FSTL5: variants seen among roughly 807,000 people sequenced by gnomAD.
FSTL5 encodes follistatin-related protein 5.
A neutral mutation model predicts 89.1 loss-of-function variants in FSTL5; 62 were observed. The observed-to-expected ratio is 0.70, with a 90% CI of 0.57 to 0.86. The LOEUF (loss-of-function observed/expected upper bound fraction) is 0.86. Ranked by LOEUF, FSTL5 falls within the 40% of genes least tolerant of loss-of-function variation. The probability of loss-of-function intolerance (pLI) is 0.00; values close to 1 mark genes in which losing one functional copy is unlikely to be tolerated. For synonymous variants in FSTL5, 383 were observed against 346.2 expected, an observed-to-expected ratio of 1.11 and a Z score of -1.18; for missense variants, 1,057 against 1,001.6, an observed-to-expected ratio of 1.06 and a Z score of -0.75.
rs72987251 is a variant in FSTL5 at position 161,393,277 on chromosome 4, A to G, written c.1842-6828T>C. Reference sequence around the variant, plus strand: ...ATAGTAACTGAAAAAAAAATTTATGAAGAAACAGGTTTTGCATGAGTTGGA... The same window carrying G: ...ATAGTAACTGAAAAAAAAATTTATGGAGAAACAGGTTTTGCATGAGTTGGA... On this transcript the variant is annotated intron_variant, in intron 15 of 15. Transcript: ENST00000306100. Among the ~76,000 whole-genome samples the G allele has an allele frequency of 5.8e-3, 886 of 152,144 alleles. 4 individuals carry two copies. Among genetic ancestry groups the G allele is most frequent in the African/African-American group, 0.02 (813 of 41,518 alleles).
chr4:161,431,695 C>T (rs1434087988), intron 15 of FSTL5, among the ~76,000 whole-genome samples: 2 of 151,940 alleles, frequency 1.3e-5, no homozygotes, highest in Admixed American at 1.3e-4. Context: ...GAAAACAAGA[C>T]TCAACAATCT....
chr4:161,968,965 A>ACAC (rs1735403996), intron 3 of FSTL5, among the ~76,000 whole-genome samples: 1 of 76,890 alleles, frequency 1.3e-5, no homozygotes, highest in Admixed American at 1.8e-4. Flanking sequence ...ACACACTCAC[A>ACAC]TAAGCACACA....
At chr4:161,990,795 C>T (rs1312964643) in intron 3 of FSTL5, among the ~76,000 whole-genome samples, 1 of 152,086 alleles carries the variant, frequency 6.6e-6, no homozygotes, top group Non-Finnish European at 1.5e-5. Context: ...ATTGAAACAG[C>T]TCACTCCTGA....
chr4:162,093,360 G>A (rs150146729), intron 2 of FSTL5, among the ~76,000 whole-genome samples: 243 of 152,242 alleles, frequency 1.6e-3, no homozygotes, highest in African/African-American at 5.6e-3. Context: ...TCAAATGTTT[G>A]TTGGGAAATC....
rs117952431 is a variant in FSTL5, at chr4:161,875,761, A to C, written c.409+44643T>G. 1.9e-3 allele frequency among the ~76,000 whole-genome samples: 284 copies of C among 152,152 alleles called. 10 individuals carry two copies. In the East Asian group the frequency reaches 0.046, roughly 24 times the overall value. The stretch of plus-strand genomic sequence containing the variant: ...CCTTTTTACATGACCTTTTCCCCTA[A>C]CTTGATTGGCTCAATGTCACCAGGC... On this transcript the variant is annotated intron_variant, in intron 4 of 15. Transcript: ENST00000306100.
rs182379835 is a variant in FSTL5, at chr4:161,893,305, G to T, written c.409+27099C>A. Among the ~76,000 whole-genome samples the T allele has an allele frequency of 1.7e-3, 263 of 152,226 alleles. 1 individual carries two copies. Among genetic ancestry groups the T allele is most frequent in the African/African-American group, 5.9e-3 (246 of 41,574 alleles). ...AAATAACAAAGAAATGATCCATTTA[G>T]CAGTTGTTTTAAATTTAAGACAGAT... On this transcript the variant is annotated intron_variant, in intron 4 of 15. Coordinates refer to ENST00000306100, the MANE Select transcript of FSTL5 (RefSeq NM_020116.5).
chr4:161,810,003 C>A (rs1348942806), intron 4 of FSTL5, among the ~76,000 whole-genome samples: 2 of 152,104 alleles, frequency 1.3e-5, no homozygotes, highest in Admixed American at 6.5e-5. Flanking sequence ...TGGTTTGAAT[C>A]AAAATTTCAT....
chr4:161,664,604 C>T (rs1736822365), intron 6 of FSTL5, among the ~76,000 whole-genome samples: 1 of 152,156 alleles, frequency 6.6e-6, no homozygotes, highest in African/African-American at 2.4e-5. Context: ...TAGGAGGTTC[C>T]AAACTTTCTC....
At chr4:161,767,159 T>C (rs1481826896) in intron 5 of FSTL5, among the ~76,000 whole-genome samples, 1 of 152,200 alleles carries the variant, frequency 6.6e-6, no homozygotes, top group East Asian at 1.9e-4. Context: ...TTTCTTGCAG[T>C]GACTTTTTTT....
chr4:161,386,713 G>C, intron 15 of FSTL5: 1 of 382,100 alleles, frequency 2.6e-6, no homozygotes, highest in Non-Finnish European at 4.7e-6. Flanking sequence ...GTTAATTGCA[G>C]CAACAAATTT....
intron 7 of FSTL5, among the ~76,000 whole-genome samples, chr4:161,602,314 T>C (rs1245222161): frequency 6.7e-6 from 1 of 148,930 alleles, no homozygotes; most frequent in Non-Finnish European, 1.5e-5. Context: ...TTAATGCCCT[T>C]GGAAGACTTA....
Position 161,775,960 on chromosome 4 carries a change from C to A in FSTL5, c.524G>T (p.Arg175Leu). ...NENPNGDDIS[R>L]KKLLVDQMFK... ...CATTTGATCCACCAATAGCTTCTTCCGAGATATGTCGTCGCCATTAGGATT... is the reference window on the plus strand; with the variant it reads ...CATTTGATCCACCAATAGCTTCTTCAGAGATATGTCGTCGCCATTAGGATT... Residue 175 changes from arginine (R) to leucine (L), a missense_variant, in exon 5 of 16, where the codon CGG becomes CTG. Physicochemically the swap from Arg to Leu is moderately radical, Grantham distance 102. Transcript: ENST00000306100. 6.2e-7 allele frequency: 1 copy of A among 1,607,002 alleles called. No individual in the cohort carries two copies. The highest frequency in any genetic ancestry group is 8.5e-7 in the Non-Finnish European group (1 of 1,176,050).
chr4:162,144,766 T>G (rs1732903816), intron 1 of FSTL5, among the ~76,000 whole-genome samples: 1 of 152,096 alleles, frequency 6.6e-6, no homozygotes, highest in Non-Finnish European at 1.5e-5. Context: ...ATAATTATAA[T>G]GTGGTTCATT....
At chr4:162,114,031 G>A (rs1006715527) in intron 1 of FSTL5, among the ~76,000 whole-genome samples, 1 of 152,144 alleles carries the variant, frequency 6.6e-6, no homozygotes, top group Non-Finnish European at 1.5e-5. Flanking sequence ...ATACATGAAT[G>A]CATAAATGTC....
chr4:162,108,587 T>G (rs1482935054), intron 2 of FSTL5, among the ~76,000 whole-genome samples: 3 of 151,890 alleles, frequency 2.0e-5, no homozygotes, highest in Non-Finnish European at 1.5e-5. Context: ...TTGCATTATT[T>G]GTCTTAAAAT....
chr4:161,585,257 A>C (rs1205649463), intron 8 of FSTL5, among the ~76,000 whole-genome samples: 1 of 152,192 alleles, frequency 6.6e-6, no homozygotes, highest in Non-Finnish European at 1.5e-5. Context: ...AGAAACCTAC[A>C]TCAGACATGA....
chr4:161,460,167 T>C (rs1371424685), intron 13 of FSTL5, among the ~76,000 whole-genome samples: 1 of 152,062 alleles, frequency 6.6e-6, no homozygotes, highest in Non-Finnish European at 1.5e-5. Flanking sequence ...TATCCAACAG[T>C]GAAAGCATTT....
chr4:161,418,543 A>G (rs753826643), intron 15 of FSTL5, among the ~76,000 whole-genome samples: 30 of 152,174 alleles, frequency 2.0e-4, no homozygotes, highest in Admixed American at 3.3e-4. Context: ...TAATTCACCA[A>G]AAGTTTGATA....
intron 10 of FSTL5, among the ~76,000 whole-genome samples, chr4:161,522,594 G>A (rs1731076788): frequency 1.3e-5 from 2 of 150,858 alleles, no homozygotes; most frequent in African/African-American, 4.9e-5. Context: ...AACATTTCCT[G>A]AAAACTTATC....
Sources: allele counts gnomAD v4.1 joint callset (sites outside exome capture counted in the v4.1 genomes callset), GRCh38; gene constraint gnomAD v4.1.1; transcripts MANE v1.5; gene names NCBI Gene and HGNC (gene_info 2026-07-23, HGNC 2026-07-21).